Variants in AGL observed in about 807,000 individuals in gnomAD.
AGL encodes the protein glycogen debranching enzyme.
A neutral mutation model predicts 199.3 loss-of-function variants in AGL; 128 were observed. The observed-to-expected ratio is 0.64, with a 90% CI of 0.56 to 0.74. The LOEUF (loss-of-function observed/expected upper bound fraction) is 0.74, where lower values mean the gene tolerates loss of function less well. Among genes scored for constraint, AGL ranks in the 30% least tolerant of loss-of-function variants. The probability of loss-of-function intolerance (pLI) is 0.00; values close to 1 mark genes in which losing one functional copy is unlikely to be tolerated. For synonymous variants in AGL, 584 were observed against 594.7 expected (o/e 0.98, Z 0.26); for missense variants, 1,809 against 1,820.8 (o/e 0.99, Z 0.12).
intron 2 of AGL, among the ~76,000 whole-genome samples, chr1:99,854,154 A>G (rs948818459): frequency 1.2e-4 from 19 of 152,166 alleles, no homozygotes; most frequent in African/African-American, 4.6e-4. Context: ...AGATCACACC[A>G]TTGCACTCCA....
chr1:99,858,581 A>G (rs1649771969), intron 2 of AGL, among the ~76,000 whole-genome samples: 6 of 152,182 alleles, frequency 3.9e-5, no homozygotes, highest in Non-Finnish European at 8.8e-5. Context: ...TACTTTGCCA[A>G]CCCTTGCTAT....
chr1:99,899,970 C>G (rs1354108729), intron 25 of AGL, among the ~76,000 whole-genome samples: 1 of 151,008 alleles, frequency 6.6e-6, no homozygotes, highest in Non-Finnish European at 1.5e-5. Context: ...TGCTCTGTTG[C>G]CCAGACTGGA....
chr1:99,920,222 T>C (rs1655421010), intron 33 of AGL, among the ~76,000 whole-genome samples: 1 of 152,184 alleles, frequency 6.6e-6, no homozygotes, highest in African/African-American at 2.4e-5. Flanking sequence ...CAGCAGAATA[T>C]TGTCTCACAG....
intron 27 of AGL, among the ~76,000 whole-genome samples, chr1:99,904,656 G>A (rs1047230799): frequency 6.6e-6 from 1 of 152,076 alleles, no homozygotes; most frequent in Non-Finnish European, 1.5e-5. Flanking sequence ...CTACTAATCT[G>A]TTCTGCAACT....
At position 99,884,641 on chromosome 1, in the gene AGL, C is replaced by T; in HGVS notation, c.2619C>T (p.His873=). 1.2e-6 allele frequency: 2 copies of T among 1,613,940 alleles called. No individual in the cohort carries two copies. The highest frequency in any genetic ancestry group is 1.7e-6 in the Non-Finnish European group (2 of 1,179,892). The change falls in exon 20 of 34, where the codon CAC becomes CAT. Residue 873 remains histidine, a synonymous_variant. Transcript: ENST00000361915. Reference sequence around the variant, plus strand: ...ATCATCTGACACAATTCAGTCCTCACTTTAAATCTGGCAGCCTAGCTGTTG... The same window carrying T: ...ATCATCTGACACAATTCAGTCCTCATTTTAAATCTGGCAGCCTAGCTGTTG... ...LRNHLTQFSP[H]FKSGSLAVDN... is the part of the protein sequence containing the mutation.
chr1:99,907,565 TTAC>T (rs1654387165), intron 27 of AGL, among the ~76,000 whole-genome samples: 1 of 152,178 alleles, frequency 6.6e-6, no homozygotes, highest in South Asian at 2.1e-4. Flanking sequence ...TTTTACACTC[TTAC>T]TAATAGTAAA....
At chr1:99,857,339 G>T (rs574069328) in intron 2 of AGL, among the ~76,000 whole-genome samples, 154 of 152,130 alleles carry the variant, frequency 1.0e-3, no homozygotes, top group Non-Finnish European at 1.8e-3. Flanking sequence ...TGGGCAGCCG[G>T]GCAGAGGGGC....
In AGL at chr1:99,871,417, C is replaced by T. The variant is rs569934826; in HGVS notation, c.958+548C>T. On this transcript the variant is annotated intron_variant, in intron 7 of 33. Coordinates refer to ENST00000361915, the MANE Select transcript of AGL (RefSeq NM_000642.3). ...TAATCAAGCAGTTAATGTGCCCCCC[C>T]CCCCCCAACAAAATAGGGTAGGAAA... Among the ~76,000 whole-genome samples, 15 of 150,414 alleles carry T rather than the reference C, an allele frequency of 1.0e-4. No individual in the cohort carries two copies. The East Asian group carries it at 2.8e-3, about 28-fold the overall frequency.
intron 27 of AGL, among the ~76,000 whole-genome samples, chr1:99,903,496 T>C (rs557835272): frequency 1.1e-3 from 164 of 152,356 alleles, no homozygotes; most frequent in African/African-American, 3.7e-3. Context: ...TAGTATTCCA[T>C]GGTGTATATG....
chr1:99,860,274 ATATAT>A, intron 2 of AGL, among the ~76,000 whole-genome samples: 1 of 151,788 alleles, frequency 6.6e-6, no homozygotes, highest in East Asian at 1.9e-4. Context: ...TATAAATAAT[ATATAT>A]TAAATAGGTA....
chr1:99,907,693 G>GTTTTTTTTT (rs71075465), intron 27 of AGL, among the ~76,000 whole-genome samples: 5 of 118,930 alleles, frequency 4.2e-5, no homozygotes, highest in African/African-American at 1.5e-4. Context: ...TTTGTTTTTT[G>GTTTTTTTTT]TTTTTTTTGC....
chr1:99,865,232 T>G (rs1390720500), intron 5 of AGL, among the ~76,000 whole-genome samples: 2 of 152,164 alleles, frequency 1.3e-5, no homozygotes, highest in African/African-American at 4.8e-5. Flanking sequence ...TCTTGGAAGG[T>G]ACCCCTAAGG....
Position 99,877,628 on chromosome 1 carries a change from C to T in AGL, c.1424-13C>T, listed in dbSNP as rs765279482. On this transcript the variant is annotated splice_polypyrimidine_tract_variant and intron_variant, in intron 11 of 33. Coordinates refer to ENST00000361915, the MANE Select transcript of AGL (RefSeq NM_000642.3). ...TTTCTTGAACCATTGAAAGCAATCT[C>T]TTTTCTGAACAGGTTCAGAAGTTTA... 4.3e-6 allele frequency: 7 copies of T among 1,613,196 alleles called. No individual in the cohort carries two copies. Among genetic ancestry groups the T allele is most frequent in the Non-Finnish European group, 5.9e-6 (7 of 1,179,342 alleles).
intron 21 of AGL, 53 bp from the exon 22 acceptor site, chr1:99,891,167 G>A (rs1385329374): frequency 6.2e-7 from 1 of 1,610,336 alleles, no homozygotes; most frequent in African/African-American, 1.3e-5. Flanking sequence ...AGAGGATATA[G>A]GAACAAATTG....
chr1:99,885,318 T>G (rs1458727572), intron 20 of AGL, among the ~76,000 whole-genome samples: 2 of 152,206 alleles, frequency 1.3e-5, no homozygotes, highest in Non-Finnish European at 2.9e-5. Flanking sequence ...GTCTCCCATC[T>G]GGAAAATTTT....
rs185000547 is a variant in AGL, at chr1:99,903,713, T to C, written c.3700+919T>C. Among the ~76,000 whole-genome samples the C allele has an allele frequency of 1.1e-3, 175 of 152,362 alleles. 1 individual carries two copies. The highest frequency in any genetic ancestry group is 2.3e-3 in the Non-Finnish European group (154 of 68,036). ...CTAGATCCCTGAGGAATCGCCACAC[T>C]GACTTCCACAATGGTTGAACTAGTT... On this transcript the variant is annotated intron_variant, in intron 27 of 33. Coordinates refer to ENST00000361915, the MANE Select transcript of AGL (RefSeq NM_000642.3).
intron 4 of AGL, among the ~76,000 whole-genome samples, chr1:99,863,225 G>A (rs1054341840): frequency 2.6e-5 from 4 of 151,152 alleles, no homozygotes; most frequent in Admixed American, 2.0e-4. Context: ...GGCATGAGCT[G>A]CTGTGCTTGG....
chr1:99,872,402 C>T (rs1651094468), intron 7 of AGL, among the ~76,000 whole-genome samples: 1 of 152,146 alleles, frequency 6.6e-6, no homozygotes, highest in African/African-American at 2.4e-5. Context: ...AAAGGGTATA[C>T]AGATTTCAAA....
intron 30 of AGL, among the ~76,000 whole-genome samples, chr1:99,914,921 TA>T (rs1225746541): frequency 6.6e-6 from 1 of 151,322 alleles, no homozygotes; most frequent in African/African-American, 2.4e-5. Context: ...CACAAAAATT[TA>T]AAAAAAAATT....
Sources: gnomAD v4.1 joint callset for allele counts (sites outside exome capture counted in the v4.1 genomes callset) on GRCh38, gnomAD v4.1.1 for gene constraint, MANE v1.5 for transcripts, NCBI Gene and HGNC (gene_info 2026-07-23, HGNC 2026-07-21) for gene names.